Variants in CSF3R observed in about 807,000 individuals in gnomAD.
CSF3R encodes the protein granulocyte colony-stimulating factor receptor.
Under a neutral mutation model 84.4 loss-of-function variants are expected in CSF3R, and 52 were observed. That is an observed-to-expected ratio of 0.62 (90% CI 0.49 to 0.78). The LOEUF is 0.78. Among genes scored for constraint, CSF3R ranks in the 30% least tolerant of loss-of-function variants. The pLI is 0.00. For missense variants in CSF3R, 890 were observed against 1,055.7 expected (o/e 0.84, Z 2.17); for synonymous variants, 384 against 429.1 (o/e 0.89, Z 1.30).
At chr1:36,482,226 G>A (rs931892704) in intron 1 of CSF3R, among the ~76,000 whole-genome samples, 8 of 150,624 alleles carry the variant, frequency 5.3e-5, no homozygotes, top group African/African-American at 7.4e-5. Context: ...AGAGAGACTC[G>A]CCAAGAGGAC....
At position 36,466,159 on chromosome 1, in the gene CSF3R, G is replaced by GATCT; in HGVS notation, c.*194_*197dup. Reference sequence around the variant, plus strand: ...CATTGGGTGGGGCTGGATGGAGCATGATCTGGTCCTTAAAGTATGCAGATC... The same window carrying GATCT: ...CATTGGGTGGGGCTGGATGGAGCATGATCTATCTGGTCCTTAAAGTATGCAGATC... On this transcript the variant is annotated 3_prime_UTR_variant, in exon 17 of 17. Coordinates refer to ENST00000373106, the MANE Select transcript of CSF3R (RefSeq NM_000760.4). This position sits in a 1 kb window ranked among gnomAD's most constrained non-coding sequence, Gnocchi z 4.6. 1 of 1,614,240 alleles carries GATCT rather than the reference G, an allele frequency of 6.2e-7. No homozygotes were observed. Among genetic ancestry groups the GATCT allele is most frequent in the African/African-American group, 1.3e-5 (1 of 75,060 alleles).
rs1650863874 is a variant in CSF3R at position 36,472,850 on chromosome 1, G to C, written c.674-164C>G. ...TGTCTTTGTTTCTCTCTAGGTCTCT[G>C]TTTCCGCTCTTGCCCCAGGGCCTTT... On this transcript the variant is annotated intron_variant, in intron 6 of 16. Transcript: ENST00000373106. The surrounding 1 kb of genome is among the most constrained non-coding windows in gnomAD (Gnocchi z 5.0). 1.2e-6 allele frequency: 1 copy of C among 858,096 alleles called. No homozygotes were observed. Among genetic ancestry groups the C allele is most frequent in the African/African-American group, 1.7e-5 (1 of 58,406 alleles). 53.2% of individuals were successfully genotyped at this position (858,096 alleles called of 1,614,324 possible). A position where few individuals can be genotyped will look rare whatever the true frequency, so the allele number is the denominator to read the frequency against.
intron 3 of CSF3R, chr1:36,478,873 A>G (rs1259654328): frequency 5.0e-6 from 1 of 200,574 alleles, no homozygotes; most frequent in East Asian, 1.3e-4. Flanking sequence ...ACAAACAAAC[A>G]AACAAACAAA....
intron 10 of CSF3R, among the ~76,000 whole-genome samples, chr1:36,470,649 T>C (rs560438348): frequency 1.3e-5 from 2 of 152,338 alleles, no homozygotes; most frequent in South Asian, 4.1e-4. Flanking sequence ...ATTATTGTTA[T>C]TGTGATTATT....
At chr1:36,478,694 C>CAAAA (rs111737215) in intron 3 of CSF3R, among the ~76,000 whole-genome samples, 1 of 139,152 alleles carries the variant, frequency 7.2e-6, no homozygotes, top group African/African-American at 2.7e-5. Context: ...CAAAAAAATA[C>CAAAA]AACAACAAAA....
chr1:36,471,707 C>T, intron 9 of CSF3R, 61 bp from the exon 10 acceptor site: 5 of 1,555,406 alleles, frequency 3.2e-6, no homozygotes, highest in Non-Finnish European at 4.4e-6. Context: ...TCAAGGAGAG[C>T]CTCTAGGTGG....
At position 36,467,498 on chromosome 1, in the gene CSF3R, G is replaced by T. The variant is rs1650401263; in HGVS notation, c.1958+60C>A. 1.3e-6 allele frequency: 2 copies of T among 1,544,506 alleles called. No individual in the cohort carries two copies. Among genetic ancestry groups the T allele is most frequent in the South Asian group, 2.2e-5 (2 of 89,112 alleles). On this transcript the variant is annotated intron_variant, in intron 15 of 16. Transcript: ENST00000373106. This position sits in a 1 kb window ranked among gnomAD's most constrained non-coding sequence, Gnocchi z 4.1. ...GGAAGGGACTTAGATGGGCCCATCT[G>T]GACCTGAGGTTCCCTGTGGGTGGGG... is the stretch of plus-strand genomic sequence containing the variant.
Position 36,466,300 on chromosome 1 carries a change from TCTC to T in CSF3R, c.*54_*56del. The T allele has an allele frequency of 6.2e-7, 1 of 1,611,764 alleles. No individual in the cohort carries two copies. Among genetic ancestry groups the T allele is most frequent in the South Asian group, 1.1e-5 (1 of 90,914 alleles). On this transcript the variant is annotated 3_prime_UTR_variant, in exon 17 of 17. Coordinates refer to ENST00000373106, the MANE Select transcript of CSF3R (RefSeq NM_000760.4). This position sits in a 1 kb window ranked among gnomAD's most constrained non-coding sequence, Gnocchi z 4.6. ...CATGGGCTTATGGACCCTCCCCTCT[TCTC>T]CAGCTAGCTCAGGCCTTTAAGAGGC...
chr1:36,478,033 C>G (rs1309949079), intron 3 of CSF3R, among the ~76,000 whole-genome samples: 1 of 151,238 alleles, frequency 6.6e-6, no homozygotes, highest in Admixed American at 6.6e-5. Context: ...GCTGGGATTA[C>G]AGGCGTGAGC....
At chr1:36,482,512 G>A (rs752762122) in intron 1 of CSF3R, among the ~76,000 whole-genome samples, 18 of 152,124 alleles carry the variant, frequency 1.2e-4, no homozygotes, top group African/African-American at 3.1e-4. Flanking sequence ...AGACACACAC[G>A]TCCTGAGAGA....
At chr1:36,471,757 G>A in intron 9 of CSF3R, 111 bp from the exon 10 acceptor site, 1 of 1,105,052 alleles carries the variant, frequency 9.0e-7, no homozygotes, top group Non-Finnish European at 1.3e-6. Context: ...CCAGGCTGGG[G>A]TCCAGGCTTC....
chr1:36,470,924 C>T (rs1431147081), intron 10 of CSF3R, among the ~76,000 whole-genome samples: 2 of 152,182 alleles, frequency 1.3e-5, no homozygotes, highest in African/African-American at 4.8e-5. Context: ...TCATGTACAC[C>T]CCATGGCACC....
At chr1:36,471,884 C>A in intron 9 of CSF3R, 182 bp downstream of exon 9, 1 of 706,328 alleles carries the variant, frequency 1.4e-6, no homozygotes, top group South Asian at 1.7e-5. Context: ...CACACTGTGA[C>A]GTGCGTTACA....
Position 36,473,318 on chromosome 1 carries a change from CCT to C in CSF3R, c.673+115_673+116del, listed in dbSNP as rs1176667888. 3.3e-5 allele frequency: 39 copies of C among 1,167,364 alleles called. No homozygotes were observed. The East Asian group carries it at 9.5e-4, about 28-fold the overall frequency. 72.3% of individuals were successfully genotyped at this position (1,167,364 alleles called of 1,614,324 possible). The stretch of plus-strand genomic sequence containing the variant: ...TCTTTGTCTCTGTCCCTCTTCTGTG[CCT>C]CTGTCTCTAGGTCTTCCAGTGTCTT... On this transcript the variant is annotated intron_variant, in intron 6 of 16. Coordinates refer to ENST00000373106, the MANE Select transcript of CSF3R (RefSeq NM_000760.4).
rs572901231 is a variant in CSF3R, at chr1:36,469,182, T to A, written c.1550A>T (p.His517Leu). The change falls in exon 12 of 17, where the codon CAT becomes CTT. Residue 517 changes from histidine to leucine, a missense_variant. His to Leu is a moderately conservative substitution (Grantham distance 99, BLOSUM62 -3). Coordinates refer to ENST00000373106, the MANE Select transcript of CSF3R (RefSeq NM_000760.4). Reference sequence around the variant, plus strand: ...CATTTCTTGAGAGTAGGCATAGACATGCTGGGAGGGTCCCATGGTGTCCTG... The same window carrying A: ...CATTTCTTGAGAGTAGGCATAGACAAGCTGGGAGGGTCCCATGGTGTCCTG... ...LYQDTMGPSQHVYAYSQEMAP... is the reference protein window; with the variant it reads ...LYQDTMGPSQLVYAYSQEMAP... 6.2e-7 allele frequency: 1 copy of A among 1,614,054 alleles called. No homozygotes were observed. The highest frequency in any genetic ancestry group is 1.7e-5 in the Admixed American group (1 of 60,022).
At position 36,466,594 on chromosome 1, in the gene CSF3R, G is replaced by T; in HGVS notation, c.2274C>A (p.Ser758Arg). Reference protein sequence around the residue: ...DQVLYGQLLGSPTSPGPGHYL... With the variant: ...DQVLYGQLLGRPTSPGPGHYL... ...AGTGCCCTGGCCCTGGGCTTGTGGG[G>T]CTGCCCAGCAGCTGCCCATAAAGGA... is the stretch of plus-strand genomic sequence containing the variant. The change falls in exon 17 of 17, where the codon AGC (serine) becomes AGA (arginine). Residue 758 changes from serine to arginine, a missense_variant. Ser to Arg is a moderately radical substitution (Grantham distance 110). Coordinates refer to ENST00000373106, the MANE Select transcript of CSF3R (RefSeq NM_000760.4). This position sits in a 1 kb window ranked among gnomAD's most constrained non-coding sequence, Gnocchi z 4.6. 6.2e-7 allele frequency: 1 copy of T among 1,612,702 alleles called. No homozygotes were observed. The highest frequency in any genetic ancestry group is 1.3e-5 in the African/African-American group (1 of 75,036).
chr1:36,478,684 C>CA (rs1205843995), intron 3 of CSF3R, among the ~76,000 whole-genome samples: 1 of 139,370 alleles, frequency 7.2e-6, no homozygotes, highest in Non-Finnish European at 1.5e-5. Context: ...TACATCTCTA[C>CA]AAAAAAATAC....
At position 36,466,307 on chromosome 1, in the gene CSF3R, C is replaced by T. The variant is rs369842345; in HGVS notation, c.*50G>A. On this transcript the variant is annotated 3_prime_UTR_variant, in exon 17 of 17. Coordinates refer to ENST00000373106, the MANE Select transcript of CSF3R (RefSeq NM_000760.4). The surrounding 1 kb of genome is among the most constrained non-coding windows in gnomAD (Gnocchi z 4.6). ...TTATGGACCCTCCCCTCTTCTCCAG[C>T]TAGCTCAGGCCTTTAAGAGGCAGGC... The T allele has an allele frequency of 6.2e-7, 1 of 1,611,792 alleles. No individual in the cohort carries two copies. Among genetic ancestry groups the T allele is most frequent in the Non-Finnish European group, 8.5e-7 (1 of 1,179,552 alleles).
intron 3 of CSF3R, 135 bp downstream of exon 3, chr1:36,479,298 C>T: frequency 1.1e-6 from 1 of 907,678 alleles, no homozygotes; most frequent in Non-Finnish European, 1.8e-6. Flanking sequence ...AGCTACCCCA[C>T]ATCTGTGGCT....
Sources: gnomAD v4.1 joint callset for allele counts (sites outside exome capture counted in the v4.1 genomes callset) on GRCh38, gnomAD v4.1.1 for gene constraint, Gnocchi (gnomAD v3.1) non-coding constraint, MANE v1.5 for transcripts, NCBI Gene and HGNC (gene_info 2026-07-23, HGNC 2026-07-21) for gene names.